Variants in NAPEPLD observed in about 807,000 individuals in gnomAD.
NAPEPLD encodes the protein N-acyl phosphatidylethanolamine phospholipase D.
In NAPEPLD, 23 loss-of-function variants were observed where a neutral mutation model predicts 38.1. That is an observed-to-expected ratio of 0.60 (90% CI 0.43 to 0.86). The LOEUF is 0.86. NAPEPLD is among the 40% of genes least tolerant of loss of function. The pLI, the probability that NAPEPLD is intolerant of heterozygous loss-of-function variation, is 0.00. For synonymous variants in NAPEPLD, 147 were observed against 162.0 expected, an observed-to-expected ratio of 0.91 and a Z score of 0.71; for missense variants, 411 against 476.8, an observed-to-expected ratio of 0.86 and a Z score of 1.28.
intron 4 of NAPEPLD, among the ~76,000 whole-genome samples, chr7:103,109,617 A>G (rs1804105414): frequency 6.6e-6 from 1 of 152,230 alleles, no homozygotes; most frequent in African/African-American, 2.4e-5. Context: ...GAGGAAATTT[A>G]TAGCATTAAA....
At chr7:103,109,894 C>T (rs1368375806) in intron 4 of NAPEPLD, among the ~76,000 whole-genome samples, 3 of 152,172 alleles carry the variant, frequency 2.0e-5, no homozygotes, top group African/African-American at 7.2e-5. Flanking sequence ...GATATCACCA[C>T]TGATCCCACA....
intron 1 of NAPEPLD, among the ~76,000 whole-genome samples, chr7:103,129,723 C>G (rs11770319): frequency 0.52 from 78,865 of 152,032 alleles, 23,554 homozygotes; most frequent in Non-Finnish European, 0.66. Context: ...GAGTATGTAT[C>G]CTAGCTATAC....
Position 103,101,028 on chromosome 7 carries a change from T to C in NAPEPLD, c.*2401A>G, listed in dbSNP as rs1466712350. ...AACAGTACACGTGAATACAAAATAA[T>C]GTTAAGGCCATTCATGGAGAAGAAA... On this transcript the variant is annotated 3_prime_UTR_variant, in exon 5 of 5. Coordinates refer to ENST00000465647, the MANE Select transcript of NAPEPLD (RefSeq NM_001122838.3). The C allele has an allele frequency of 6.6e-6, 1 of 152,170 alleles. No homozygotes were observed. Among genetic ancestry groups the C allele is most frequent in the Non-Finnish European group, 1.5e-5 (1 of 68,038 alleles). The allele number at this position is 152,170 out of a possible 1,614,324, so 9.4% of individuals were successfully genotyped here.
At chr7:103,116,954 C>T (rs116685356) in intron 3 of NAPEPLD, among the ~76,000 whole-genome samples, 1,685 of 152,310 alleles carry the variant, frequency 0.011, 35 homozygotes, top group African/African-American at 0.039. Context: ...TCTCCCAAAA[C>T]AGTAAACAAA....
At chr7:103,121,776 C>G (rs997018484) in intron 2 of NAPEPLD, among the ~76,000 whole-genome samples, 1 of 151,854 alleles carries the variant, frequency 6.6e-6, no homozygotes, top group African/African-American at 2.4e-5. Context: ...TGTAAGTTGC[C>G]ACTAAATCAA....
rs377763676 is a variant in NAPEPLD at position 103,140,387 on chromosome 7, CTTTTTTTTTT to C, written c.-17+8414_-17+8423del. On this transcript the variant is annotated intron_variant, in intron 1 of 4. Transcript: ENST00000465647. ...GCCTGATCTTGGAATTCACAGAACTCTTTTTTTTTTTTTTTTTTTTTTTGAAACAGAGTCT... is the reference window on the plus strand; with the variant it reads ...GCCTGATCTTGGAATTCACAGAACTCTTTTTTTTTTTTTGAAACAGAGTCT... 1.8e-4 allele frequency among the ~76,000 whole-genome samples: 17 copies of C among 92,634 alleles called. No individual in the cohort carries two copies. In the East Asian group the frequency reaches 4.8e-3, roughly 26 times the overall value. 60.8% of individuals were successfully genotyped at this position (92,634 alleles called of 152,430 possible). A position where few individuals can be genotyped will look rare whatever the true frequency, so the allele number is the denominator to read the frequency against.
chr7:103,116,620 A>C (rs889236315), intron 3 of NAPEPLD, among the ~76,000 whole-genome samples: 7 of 152,252 alleles, frequency 4.6e-5, no homozygotes, highest in African/African-American at 1.7e-4. Flanking sequence ...ATTACTATTC[A>C]AGAAATTTTA....
chr7:103,136,493 A>T (rs954041638), intron 1 of NAPEPLD, among the ~76,000 whole-genome samples: 1 of 151,266 alleles, frequency 6.6e-6, no homozygotes, highest in African/African-American at 2.4e-5. Flanking sequence ...AGGCTGAGGC[A>T]GGAGAATCAC....
At chr7:103,119,255 A>T (rs1018852615) in intron 3 of NAPEPLD, among the ~76,000 whole-genome samples, 5 of 152,190 alleles carry the variant, frequency 3.3e-5, no homozygotes, top group African/African-American at 1.2e-4. Context: ...AAATATTTTA[A>T]TTCTCACCAC....
intron 1 of NAPEPLD, among the ~76,000 whole-genome samples, chr7:103,137,829 A>AG (rs1253065261): frequency 1.9e-4 from 28 of 150,608 alleles, no homozygotes; most frequent in Non-Finnish European, 3.7e-4. Flanking sequence ...AAAAAAAAAA[A>AG]AAAAAAAGAA....
At position 103,101,199 on chromosome 7, in the gene NAPEPLD, C is replaced by G. The variant is rs1802345687; in HGVS notation, c.*2230G>C. 6.6e-6 allele frequency: 1 copy of G among 152,078 alleles called. No individual in the cohort carries two copies. Among genetic ancestry groups the G allele is most frequent in the Admixed American group, 6.6e-5 (1 of 15,266 alleles). 9.4% of individuals were successfully genotyped at this position (152,078 alleles called of 1,614,324 possible). On this transcript the variant is annotated 3_prime_UTR_variant, in exon 5 of 5. Transcript: ENST00000465647. ...ACCTCAAAGCTAACTCACCATAAAC[C>G]TAACATCTTGATTCACATCTGCTTG...
chr7:103,112,246 T>C (rs575563500), intron 4 of NAPEPLD, among the ~76,000 whole-genome samples: 4 of 152,286 alleles, frequency 2.6e-5, no homozygotes, highest in Admixed American at 6.5e-5. Flanking sequence ...AGCAATCCCA[T>C]CACTGGGTAT....
chr7:103,135,838 T>C (rs1563367353), intron 1 of NAPEPLD, among the ~76,000 whole-genome samples: 2 of 152,190 alleles, frequency 1.3e-5, no homozygotes, highest in Non-Finnish European at 2.9e-5. Flanking sequence ...GTTCTACTAT[T>C]AACTAGAGAT....
At chr7:103,124,089 G>A (rs1412258609) in intron 2 of NAPEPLD, among the ~76,000 whole-genome samples, 3 of 152,094 alleles carry the variant, frequency 2.0e-5, no homozygotes, top group African/African-American at 7.2e-5. Flanking sequence ...ACTGCTTGAG[G>A]CCAGTAGTTT....
intron 4 of NAPEPLD, among the ~76,000 whole-genome samples, chr7:103,110,821 T>G (rs2129527354): frequency 6.6e-6 from 1 of 152,308 alleles, no homozygotes; most frequent in South Asian, 2.1e-4. Context: ...ATTGTATATT[T>G]AGAGAAACCC....
At chr7:103,107,309 G>A (rs1803565602) in intron 4 of NAPEPLD, among the ~76,000 whole-genome samples, 1 of 152,066 alleles carries the variant, frequency 6.6e-6, no homozygotes, top group African/African-American at 2.4e-5. Flanking sequence ...AGCACAAAAA[G>A]GCTGAAAACT....
intron 1 of NAPEPLD, among the ~76,000 whole-genome samples, chr7:103,146,968 C>G (rs1405235350): frequency 6.6e-6 from 1 of 152,056 alleles, no homozygotes; most frequent in Non-Finnish European, 1.5e-5. Context: ...TTTGAAAGAG[C>G]TTTGTAAATG....
intron 4 of NAPEPLD, among the ~76,000 whole-genome samples, chr7:103,103,991 T>A (rs528070490): frequency 4.6e-5 from 7 of 152,292 alleles, no homozygotes; most frequent in African/African-American, 1.7e-4. Flanking sequence ...ATTGTTTTGC[T>A]GAAGAAGGGT....
chr7:103,115,259 G>A, intron 3 of NAPEPLD, 85 bp from the exon 4 acceptor site: 1 of 955,668 alleles, frequency 1.0e-6, no homozygotes, highest in Non-Finnish European at 1.6e-6. Context: ...CAAACTTTAA[G>A]ATTCTGCGCA....
Sources: gnomAD v4.1 joint callset for allele counts (sites outside exome capture counted in the v4.1 genomes callset) on GRCh38, gnomAD v4.1.1 for gene constraint, MANE v1.5 for transcripts, NCBI Gene and HGNC (gene_info 2026-07-23, HGNC 2026-07-21) for gene names.